The following FAM135B variants were observed in gnomAD, a reference collection of about 807,000 sequenced individuals.
FAM135B encodes the protein protein FAM135B.
FAM135B carries 43 observed loss-of-function variants against 127.7 expected under a neutral mutation model. The ratio of observed to expected loss-of-function variants is 0.34; its 90% CI spans 0.26 to 0.43. The LOEUF (loss-of-function observed/expected upper bound fraction) is 0.43, where lower values mean the gene tolerates loss of function less well. Among genes scored for constraint, FAM135B ranks in the 20% least tolerant of loss-of-function variants. The pLI, the probability that FAM135B is intolerant of heterozygous loss-of-function variation, is 1.00. For synonymous variants in FAM135B, 670 were observed against 665.1 expected (o/e 1.01, Z -0.11); for missense variants, 1,558 against 1,725.6 (o/e 0.90, Z 1.72).
At chr8:138,429,497 AAAC>A (rs1443724241) in intron 1 of FAM135B, among the ~76,000 whole-genome samples, 1 of 152,218 alleles carries the variant, frequency 6.6e-6, no homozygotes, top group African/African-American at 2.4e-5. Flanking sequence ...TAAAGGAAGC[AAAC>A]AACAATTTGT....
At chr8:138,356,691 C>G (rs923347334) in intron 2 of FAM135B, among the ~76,000 whole-genome samples, 1 of 152,082 alleles carries the variant, frequency 6.6e-6, no homozygotes, top group Non-Finnish European at 1.5e-5. Context: ...TCAGAACAGC[C>G]TCCAATGGTG....
chr8:138,471,072 T>A (rs747847292), intron 1 of FAM135B, among the ~76,000 whole-genome samples: 1 of 152,188 alleles, frequency 6.6e-6, no homozygotes, highest in Admixed American at 6.5e-5. Flanking sequence ...ATGCTCTTAG[T>A]CATCATGAAA....
intron 1 of FAM135B, among the ~76,000 whole-genome samples, chr8:138,393,148 G>A (rs1019485862): frequency 1.3e-5 from 2 of 152,076 alleles, no homozygotes; most frequent in Admixed American, 1.3e-4. Flanking sequence ...AGAACAGCAT[G>A]GGAAAGACCT....
At position 138,367,776 on chromosome 8, in the gene FAM135B, A is replaced by G. The variant is rs1048460092; in HGVS notation, c.77+131T>C. ...GATTTTTGACTTGGCAAGAAAACAC[A>G]ATGAAAATCTTTTCTTCGTTAGTCC... On this transcript the variant is annotated intron_variant, in intron 2 of 19. Coordinates refer to ENST00000395297, the MANE Select transcript of FAM135B (RefSeq NM_015912.4). 1.6e-5 allele frequency: 11 copies of G among 697,852 alleles called. No individual in the cohort carries two copies. In the Admixed American group the frequency reaches 1.6e-4, roughly 10 times the overall value. 43.2% of individuals were successfully genotyped at this position (697,852 alleles called of 1,614,324 possible). A position where few individuals can be genotyped will look rare whatever the true frequency, so the allele number is the denominator to read the frequency against.
chr8:138,447,076 A>T (rs1195537469), intron 1 of FAM135B, among the ~76,000 whole-genome samples: 7 of 151,324 alleles, frequency 4.6e-5, no homozygotes, highest in Non-Finnish European at 1.0e-4. Context: ...ACTGGCCATC[A>T]GAGAAATGCA....
At chr8:138,344,704 T>G (rs1829293215) in intron 2 of FAM135B, among the ~76,000 whole-genome samples, 2 of 149,958 alleles carry the variant, frequency 1.3e-5, no homozygotes, top group Non-Finnish European at 3.0e-5. Context: ...GCCTCCCGAA[T>G]AGCTGGGACT....
intron 1 of FAM135B, among the ~76,000 whole-genome samples, chr8:138,468,125 A>G (rs1564025791): frequency 6.6e-6 from 1 of 152,354 alleles, no homozygotes; most frequent in African/African-American, 2.4e-5. Context: ...CCTTTCTTCA[A>G]CATTTCTGGA....
At chr8:138,331,886 C>T (rs142246029) in intron 2 of FAM135B, among the ~76,000 whole-genome samples, 196 of 152,188 alleles carry the variant, frequency 1.3e-3, no homozygotes, top group African/African-American at 4.3e-3. Flanking sequence ...TGCTCTTCTG[C>T]GAATGGAGAG....
chr8:138,175,809 G>A (rs73423911), intron 11 of FAM135B, among the ~76,000 whole-genome samples: 9,648 of 152,172 alleles, frequency 0.063, 547 homozygotes, highest in East Asian at 0.17. Context: ...TGTCTTGCCT[G>A]TTTCCTCACT....
chr8:138,205,185 C>A (rs1174296657), intron 7 of FAM135B, among the ~76,000 whole-genome samples: 4 of 152,168 alleles, frequency 2.6e-5, no homozygotes, highest in African/African-American at 9.7e-5. Context: ...GCATTTAATT[C>A]TCTTGCCAAC....
chr8:138,162,584 C>G (rs1175995452), intron 12 of FAM135B, among the ~76,000 whole-genome samples: 1 of 152,208 alleles, frequency 6.6e-6, no homozygotes, highest in African/African-American at 2.4e-5. Context: ...GCACCTTCCT[C>G]TTTATTTTCC....
chr8:138,421,041 G>T (rs1345970066), intron 1 of FAM135B, among the ~76,000 whole-genome samples: 9 of 152,354 alleles, frequency 5.9e-5, no homozygotes, highest in African/African-American at 2.2e-4. Flanking sequence ...GCTGGGTGCA[G>T]TGGCTCACGC....
At chr8:138,350,152 G>A (rs189225451) in intron 2 of FAM135B, among the ~76,000 whole-genome samples, 1 of 152,054 alleles carries the variant, frequency 6.6e-6, no homozygotes, top group East Asian at 1.9e-4. Flanking sequence ...AAACTCCTTT[G>A]GATTTCCTTT....
At chr8:138,496,634 G>A (rs986214721) in intron 1 of FAM135B, 37 bp downstream of exon 1, 4 of 152,232 alleles carry the variant, frequency 2.6e-5, no homozygotes, top group African/African-American at 9.6e-5. Context: ...CGACGAGAGA[G>A]TTTTGCAGCT....
intron 1 of FAM135B, among the ~76,000 whole-genome samples, chr8:138,384,656 CTGTG>C (rs370044180): frequency 6.6e-6 from 1 of 151,306 alleles, no homozygotes; most frequent in African/African-American, 2.4e-5. Context: ...GTGTGTGCAC[CTGTG>C]TGTGTGTGTA....
intron 12 of FAM135B, 94 bp downstream of exon 12, chr8:138,167,801 C>T (rs935352029): frequency 7.2e-7 from 1 of 1,390,154 alleles, no homozygotes; most frequent in Non-Finnish European, 9.7e-7. Context: ...TTAATTTGGT[C>T]TCACTTTTGC....
intron 1 of FAM135B, among the ~76,000 whole-genome samples, chr8:138,487,878 C>G (rs1266692924): frequency 6.6e-6 from 1 of 152,064 alleles, no homozygotes; most frequent in African/African-American, 2.4e-5. Context: ...GTGGTGGGCA[C>G]CTGGAATCCC....
At chr8:138,482,936 C>T (rs983580516) in intron 1 of FAM135B, among the ~76,000 whole-genome samples, 2 of 152,132 alleles carry the variant, frequency 1.3e-5, no homozygotes, top group Non-Finnish European at 2.9e-5. Context: ...ACCCATCCAT[C>T]CATCTACCCA....
intron 9 of FAM135B, among the ~76,000 whole-genome samples, chr8:138,192,714 T>A (rs944899321): frequency 4.6e-5 from 7 of 152,292 alleles, no homozygotes; most frequent in African/African-American, 1.7e-4. Context: ...CTCAGCAAAT[T>A]ATTCTTAAAA....
Sources: allele counts gnomAD v4.1 joint callset (sites outside exome capture counted in the v4.1 genomes callset), GRCh38; gene constraint gnomAD v4.1.1; transcripts MANE v1.5; gene names NCBI Gene and HGNC (gene_info 2026-07-23, HGNC 2026-07-21).